The following ZC3H4 variants were observed in gnomAD, a reference collection of about 807,000 sequenced individuals.
The protein encoded by ZC3H4 is zinc finger CCCH-type containing 4.
A neutral mutation model predicts 108.3 loss-of-function variants in ZC3H4; 13 were observed. The observed-to-expected ratio is 0.12, with a 90% CI of 0.08 to 0.19. The LOEUF (loss-of-function observed/expected upper bound fraction) is 0.19, where lower values mean the gene tolerates loss of function less well. ZC3H4 is among the 10% of genes least tolerant of loss of function. The probability of loss-of-function intolerance (pLI) is 1.00; values close to 1 mark genes in which losing one functional copy is unlikely to be tolerated. For synonymous variants in ZC3H4, 917 were observed against 749.6 expected (o/e 1.22, Z -3.65); for missense variants, 1,734 against 1,838.8 (o/e 0.94, Z 1.04).
rs2057780213 is a variant in ZC3H4, at chr19:47,093,984, G to A, written c.478C>T (p.Pro160Ser). 1.2e-6 allele frequency: 2 copies of A among 1,613,906 alleles called. No homozygotes were observed. The highest frequency in any genetic ancestry group is 1.3e-5 in the African/African-American group (1 of 74,912). Residue 160 changes from proline (P) to serine (S), a missense_variant, in exon 4 of 15, where the codon CCC becomes TCC. Physicochemically the swap from Pro to Ser is moderately conservative, Grantham distance 74 (BLOSUM62 -1). Transcript: ENST00000253048. ...KGHRKYREYS[P>S]PYAPSHQQYP... ...CAGTCACTCACCGGCGCATATGGGG[G>A]GCTGTACTCTCTGTACTTGCGGTGA...
chr19:47,069,021 C>T lies in ZC3H4; in HGVS notation c.2398+71G>A. 2.5e-6 allele frequency: 4 copies of T among 1,591,202 alleles called. No homozygotes were observed. The South Asian group carries it at 4.4e-5, about 18-fold the overall frequency. On this transcript the variant is annotated intron_variant, in intron 14 of 14. Coordinates refer to ENST00000253048, the MANE Select transcript of ZC3H4 (RefSeq NM_015168.2). ...TCCTGACAGGAAACCCAACCTGGAA[C>T]ACCCCACCACCGCCGCTCCCCTGCA...
chr19:47,109,605 A>T (rs2058011293), intron 2 of ZC3H4, among the ~76,000 whole-genome samples: 2 of 152,184 alleles, frequency 1.3e-5, no homozygotes, highest in Non-Finnish European at 2.9e-5. Context: ...CGTAGTTTGG[A>T]GATTTCTTCC....
In ZC3H4 at chr19:47,067,874, G is replaced by A; in HGVS notation, c.2399-5C>T. The A allele has an allele frequency of 6.3e-7, 1 of 1,581,712 alleles. No individual in the cohort carries two copies. The highest frequency in any genetic ancestry group is 1.1e-5 in the South Asian group (1 of 87,220). On this transcript the variant is annotated splice_region_variant and splice_polypyrimidine_tract_variant and intron_variant, in intron 14 of 14. Transcript: ENST00000253048. This position sits in a 1 kb window ranked among gnomAD's most constrained non-coding sequence, Gnocchi z 6.4. ...AGTACCAGTTTCCGGTGTCACCTGG[G>A]AAAGAACAGAGGAGCAGGGAGGGGT...
intron 6 of ZC3H4, among the ~76,000 whole-genome samples, 168 bp from the exon 7 acceptor site, chr19:47,085,582 A>C (rs1329333614): frequency 1.3e-5 from 2 of 152,118 alleles, no homozygotes; most frequent in Non-Finnish European, 2.9e-5. Context: ...TTCCCACTGC[A>C]GTCTTCACTG....
At chr19:47,089,674 T>C (rs960592697) in intron 5 of ZC3H4, among the ~76,000 whole-genome samples, 2 of 150,324 alleles carry the variant, frequency 1.3e-5, no homozygotes, top group African/African-American at 2.4e-5. Flanking sequence ...TCAGTGACCA[T>C]GGCCCAGGTG....
In ZC3H4 at chr19:47,069,127, G is replaced by A. The variant is rs752021047; in HGVS notation, c.2363C>T (p.Ala788Val). 1.1e-5 allele frequency: 18 copies of A among 1,605,058 alleles called. No individual in the cohort carries two copies. The highest frequency in any genetic ancestry group is 1.5e-5 in the Non-Finnish European group (18 of 1,179,914). Residue 788 changes from alanine (A) to valine (V), a missense_variant, in exon 14 of 15, where the codon GCT (alanine) becomes GTT (valine). Physicochemically the swap from Ala to Val is moderately conservative, Grantham distance 64. Around this residue, in one of 9 missense-constraint regions of ZC3H4, gnomAD observed 540 missense variants for 484.1 expected, o/e 1.12. Transcript: ENST00000253048. ...CTCCCGGTCCTGCTTGCTGCTCTCA[G>A]CCAGCCTCCTCGCTCTCTCCTCCTC... Reference protein sequence around the residue: ...QEEEERARRLAESSKQDRENE... With the variant: ...QEEEERARRLVESSKQDRENE...
chr19:47,079,904 A>T (rs1053429241), intron 11 of ZC3H4, among the ~76,000 whole-genome samples: 1 of 152,050 alleles, frequency 6.6e-6, no homozygotes. Flanking sequence ...AAACAAAACA[A>T]AAAAACCCTA....
intron 4 of ZC3H4, among the ~76,000 whole-genome samples, chr19:47,093,121 CAGA>C (rs1283748668): frequency 1.4e-5 from 2 of 143,496 alleles, no homozygotes; most frequent in Non-Finnish European, 3.0e-5. Flanking sequence ...GATGCTGAAG[CAGA>C]AGAATGGTGC....
intron 2 of ZC3H4, among the ~76,000 whole-genome samples, chr19:47,095,676 G>C (rs925310048): frequency 3.3e-5 from 5 of 152,178 alleles, no homozygotes; most frequent in Non-Finnish European, 1.5e-5. Flanking sequence ...GGTTCAGGAG[G>C]GGGAGGCTGG....
Position 47,069,212 on chromosome 19 carries a change from C to CAGG in ZC3H4, c.2275_2277dup (p.Pro759dup), listed in dbSNP as rs1568530141. 1 of 1,612,780 alleles carries CAGG rather than the reference C, an allele frequency of 6.2e-7. No individual in the cohort carries two copies. The highest frequency in any genetic ancestry group is 1.7e-5 in the Admixed American group (1 of 60,018). ...GCCCTCTGGGCTGAGGGCAGGAAGT[C>CAGG]AGGGACACCGGCGCCTGGCTTCGGC... On this transcript the variant is annotated inframe_insertion, in exon 14 of 15. Transcript: ENST00000253048.
At chr19:47,100,568 A>T (rs1166828172) in intron 2 of ZC3H4, among the ~76,000 whole-genome samples, 1 of 151,722 alleles carries the variant, frequency 6.6e-6, no homozygotes, top group Non-Finnish European at 1.5e-5. Context: ...TGGCATCTAG[A>T]TACGAAGACA....
chr19:47,086,664 C>T (rs2057634285), intron 5 of ZC3H4, 126 bp from the exon 6 acceptor site: 2 of 1,425,254 alleles, frequency 1.4e-6, no homozygotes, highest in African/African-American at 2.9e-5. Context: ...TCCTCCTCCT[C>T]CTCCTCCAAG....
intron 2 of ZC3H4, 184 bp downstream of exon 2, chr19:47,112,240 G>A: frequency 1.7e-6 from 2 of 1,166,816 alleles, no homozygotes; most frequent in Non-Finnish European, 1.1e-6. Context: ...GAGGCCGGGA[G>A]AGAAAGCAAG....
Position 47,066,326 on chromosome 19 carries a change from G to A in ZC3H4, c.*30C>T, listed in dbSNP as rs2057192748. On this transcript the variant is annotated 3_prime_UTR_variant, in exon 15 of 15. Coordinates refer to ENST00000253048, the MANE Select transcript of ZC3H4 (RefSeq NM_015168.2). ...CTGCCCTGAATGCCACCCTAGGAAG[G>A]GTGGCTGGAGCCGCAGCTCTGGCTG... 16 of 1,477,616 alleles carry A rather than the reference G, an allele frequency of 1.1e-5. No homozygotes were observed. The highest frequency in any genetic ancestry group is 1.4e-5 in the Non-Finnish European group (16 of 1,112,146). 91.5% of individuals were successfully genotyped at this position (1,477,616 alleles called of 1,614,324 possible).
At chr19:47,077,861 C>CAAAAAAA (rs767129835) in intron 11 of ZC3H4, among the ~76,000 whole-genome samples, 1 of 72,296 alleles carries the variant, frequency 1.4e-5, no homozygotes, top group Non-Finnish European at 3.3e-5. Context: ...CCGTCTCAAA[C>CAAAAAAA]AAAAAAAAAA....
intron 2 of ZC3H4, among the ~76,000 whole-genome samples, chr19:47,097,462 G>T (rs2057840730): frequency 6.6e-6 from 1 of 152,184 alleles, no homozygotes; most frequent in South Asian, 2.1e-4. Context: ...GTCACCTCAA[G>T]GGGTCCCCCC....
intron 1 of ZC3H4, chr19:47,113,177 G>A: frequency 6.5e-6 from 1 of 153,020 alleles, no homozygotes; most frequent in Non-Finnish European, 1.5e-5. Context: ...ATGGGAGGGG[G>A]AACTGAGAGG....
chr19:47,069,039 C>T (rs953075105), intron 14 of ZC3H4, 53 bp downstream of exon 14: 1 of 1,599,780 alleles, frequency 6.3e-7, no homozygotes, highest in East Asian at 2.2e-5. Context: ...CACCGCCGCT[C>T]CCCTGCACAG....
chr19:47,077,138 C>T (rs1193399537), intron 11 of ZC3H4, among the ~76,000 whole-genome samples: 1 of 151,468 alleles, frequency 6.6e-6, no homozygotes, highest in South Asian at 2.1e-4. Context: ...CCAGCCTGGA[C>T]GACAGAGCGA....
Sources: allele counts gnomAD v4.1 joint callset (sites outside exome capture counted in the v4.1 genomes callset), GRCh38; gene constraint gnomAD v4.1.1; regional missense constraint gnomAD v4.1.1; non-coding constraint Gnocchi (gnomAD v3.1); transcripts MANE v1.5; gene names NCBI Gene and HGNC (gene_info 2026-07-23, HGNC 2026-07-21).